CSMD1: variants seen among roughly 807,000 people sequenced by gnomAD.
CSMD1 encodes CUB and Sushi multiple domains 1.
A neutral mutation model predicts 417.5 loss-of-function variants in CSMD1; 213 were observed. The ratio of observed to expected loss-of-function variants is 0.51; its 90% CI spans 0.46 to 0.57. CSMD1 has a LOEUF of 0.57. Ranked by LOEUF, CSMD1 falls within the 20% of genes least tolerant of loss-of-function variation. The pLI is 0.00. For synonymous variants in CSMD1, 2,862 were observed against 1,736.8 expected (o/e 1.65, Z -16.11); for missense variants, 6,923 against 4,529.7 (o/e 1.53, Z -15.17).
chr8:3,284,110 T>A, intron 26 of CSMD1, 34 bp downstream of exon 26: 2 of 1,484,320 alleles, frequency 1.3e-6, no homozygotes, highest in Non-Finnish European at 1.8e-6. Context: ...GACTTTGATA[T>A]CAAGGTAAAG....
chr8:4,080,443 T>A (rs562469627), intron 3 of CSMD1, among the ~76,000 whole-genome samples: 4 of 152,224 alleles, frequency 2.6e-5, no homozygotes, highest in Non-Finnish European at 5.9e-5. Context: ...ACATTATCCA[T>A]GTGTTACATA....
At chr8:4,927,091 A>ATTG (rs1003956731) in intron 1 of CSMD1, among the ~76,000 whole-genome samples, 11 of 105,014 alleles carry the variant, frequency 1.0e-4, no homozygotes, top group Non-Finnish European at 1.9e-4. Flanking sequence ...TCAATGCATT[A>ATTG]TTATTATTAT....
At chr8:3,698,534 G>A (rs759072684) in intron 7 of CSMD1, among the ~76,000 whole-genome samples, 2 of 152,200 alleles carry the variant, frequency 1.3e-5, no homozygotes, top group South Asian at 2.1e-4. Context: ...GGATTAGCAG[G>A]CATGCCTGCT....
At chr8:3,552,194 G>C (rs898397044) in intron 10 of CSMD1, among the ~76,000 whole-genome samples, 7 of 152,140 alleles carry the variant, frequency 4.6e-5, no homozygotes, top group Non-Finnish European at 7.3e-5. Context: ...AGTACTGTCT[G>C]TGGAAAAGAC....
In CSMD1 at chr8:3,638,205, G is replaced by C. The variant is rs545072659; in HGVS notation, c.1010-21408C>G. ...TTCAAACCCAGTTCAGCAAGTCTTG[G>C]AGTTCAGAACTGGGCTTTAAAACAT... On this transcript the variant is annotated intron_variant, in intron 7 of 69. Coordinates refer to ENST00000635120, the MANE Select transcript of CSMD1 (RefSeq NM_033225.6). 2.6e-5 allele frequency among the ~76,000 whole-genome samples: 4 copies of C among 152,184 alleles called. No homozygotes were observed. The East Asian group carries it at 5.8e-4, about 22-fold the overall frequency.
chr8:3,819,635 G>C (rs1374691734), intron 5 of CSMD1, among the ~76,000 whole-genome samples: 2 of 152,056 alleles, frequency 1.3e-5, no homozygotes, highest in Non-Finnish European at 2.9e-5. Flanking sequence ...CCAGGCTGGA[G>C]TACAGTGGAG....
intron 56 of CSMD1, 29 bp from the exon 57 acceptor site, chr8:2,973,328 C>T: frequency 6.2e-7 from 1 of 1,603,552 alleles, no homozygotes; most frequent in Non-Finnish European, 8.5e-7. Flanking sequence ...TACGGCAATC[C>T]ACAATTGTGT....
At chr8:4,201,889 G>T (rs895623781) in intron 3 of CSMD1, among the ~76,000 whole-genome samples, 12 of 31,778 alleles carry the variant, frequency 3.8e-4, no homozygotes, top group East Asian at 2.2e-3. Flanking sequence ...GGAAATTTTG[G>T]GGGGGGGGGG....
At chr8:3,534,301 C>G (rs1798101006) in intron 10 of CSMD1, among the ~76,000 whole-genome samples, 1 of 152,110 alleles carries the variant, frequency 6.6e-6, no homozygotes, top group Non-Finnish European at 1.5e-5. Context: ...TTTCCTTCAT[C>G]TTTACCTTGA....
At chr8:3,069,761 A>G (rs1181103911) in intron 49 of CSMD1, among the ~76,000 whole-genome samples, 3 of 152,180 alleles carry the variant, frequency 2.0e-5, no homozygotes, top group Non-Finnish European at 4.4e-5. Context: ...TCCACTAAGC[A>G]GTGCCCCATT....
rs576455224 is a variant in CSMD1, at chr8:4,982,146, C to T, written c.85+12186G>A. Among the ~76,000 whole-genome samples the T allele has an allele frequency of 1.1e-4, 17 of 152,314 alleles. No homozygotes were observed. The South Asian group carries it at 3.5e-3, about 32-fold the overall frequency. On this transcript the variant is annotated intron_variant, in intron 1 of 69. Coordinates refer to ENST00000635120, the MANE Select transcript of CSMD1 (RefSeq NM_033225.6). Reference sequence around the variant, plus strand: ...ACACTTGATGGCTGCTTTGTGAGACCTTAAGCAGAGACCCAGCTAAGCTGC... The same window carrying T: ...ACACTTGATGGCTGCTTTGTGAGACTTTAAGCAGAGACCCAGCTAAGCTGC...
At chr8:3,312,693 C>G (rs1225700774) in intron 23 of CSMD1, among the ~76,000 whole-genome samples, 1 of 152,174 alleles carries the variant, frequency 6.6e-6, no homozygotes, top group East Asian at 1.9e-4. Context: ...TACTTCGTGT[C>G]ACTTGCGCCG....
At chr8:4,420,953 A>G in intron 2 of CSMD1, among the ~76,000 whole-genome samples, 1 of 152,096 alleles carries the variant, frequency 6.6e-6, no homozygotes, top group Non-Finnish European at 1.5e-5. Flanking sequence ...ATCTGGTACA[A>G]TTCACGGGGA....
chr8:4,811,388 T>TTTAG (rs1798897039), intron 1 of CSMD1, among the ~76,000 whole-genome samples: 2 of 144,272 alleles, frequency 1.4e-5, no homozygotes, highest in South Asian at 4.4e-4. Flanking sequence ...TTAAAATTAG[T>TTTAG]TTTTTTTAAG....
intron 2 of CSMD1, among the ~76,000 whole-genome samples, chr8:4,437,663 A>G (rs1798223151): frequency 6.6e-6 from 1 of 152,186 alleles, no homozygotes; most frequent in Non-Finnish European, 1.5e-5. Context: ...GAGTTCGTAG[A>G]GTTTAACCTA....
intron 2 of CSMD1, among the ~76,000 whole-genome samples, chr8:4,562,382 T>C (rs1400240049): frequency 2.0e-5 from 3 of 152,158 alleles, no homozygotes; most frequent in Non-Finnish European, 4.4e-5. Flanking sequence ...GACTGAGGCA[T>C]GAACCTAGCC....
Position 4,146,823 on chromosome 8 carries a change from G to A in CSMD1, c.416-114724C>T, listed in dbSNP as rs572610575. Among the ~76,000 whole-genome samples the A allele has an allele frequency of 1.3e-3, 191 of 149,542 alleles. 10 individuals are homozygous for A. Among genetic ancestry groups the A allele is most frequent in the African/African-American group, 4.7e-3 (184 of 39,352 alleles). On this transcript the variant is annotated intron_variant, in intron 3 of 69. Transcript: ENST00000635120. ...AGACGAGTTTCACCGTGTTAGGCAGGATAGTCTCGATCTCCTGACCTCGTG... is the reference window on the plus strand; with the variant it reads ...AGACGAGTTTCACCGTGTTAGGCAGAATAGTCTCGATCTCCTGACCTCGTG...
chr8:3,179,385 T>C (rs1409302769), intron 37 of CSMD1, among the ~76,000 whole-genome samples: 1 of 152,198 alleles, frequency 6.6e-6, no homozygotes, highest in Non-Finnish European at 1.5e-5. Context: ...AACAAAAATG[T>C]GGCATTATGT....
chr8:3,922,579 G>A (rs545896802), intron 5 of CSMD1, among the ~76,000 whole-genome samples: 1 of 152,068 alleles, frequency 6.6e-6, no homozygotes, highest in African/African-American at 2.4e-5. Flanking sequence ...TTACAAGTAG[G>A]ATTAAATAAA....
Sources: gnomAD v4.1 joint callset for allele counts (sites outside exome capture counted in the v4.1 genomes callset) on GRCh38, gnomAD v4.1.1 for gene constraint, MANE v1.5 for transcripts, NCBI Gene and HGNC (gene_info 2026-07-23, HGNC 2026-07-21) for gene names.